Variants in TTYH2 observed in about 807,000 individuals in gnomAD.
TTYH2 encodes tweety family member 2.
TTYH2 carries 49 observed loss-of-function variants against 68.3 expected under a neutral mutation model. The ratio of observed to expected loss-of-function variants is 0.72; its 90% CI spans 0.57 to 0.91. The LOEUF (loss-of-function observed/expected upper bound fraction) is 0.91. Ranked by LOEUF, TTYH2 falls within the 40% of genes least tolerant of loss-of-function variation. The pLI, the probability that TTYH2 is intolerant of heterozygous loss-of-function variation, is 0.00. For synonymous variants in TTYH2, 272 were observed against 300.8 expected (o/e 0.90, Z 0.99); for missense variants, 631 against 700.4 (o/e 0.90, Z 1.12).
intron 3 of TTYH2, among the ~76,000 whole-genome samples, chr17:74,236,831 G>C (rs189803661): frequency 4.6e-5 from 7 of 152,072 alleles, no homozygotes; most frequent in African/African-American, 1.2e-4. Flanking sequence ...AGGGGCACAG[G>C]CTCGAGATCT....
chr17:74,213,785 G>T lies in TTYH2; in HGVS notation c.129+69G>T. On this transcript the variant is annotated intron_variant, in intron 1 of 13. Coordinates refer to ENST00000269346, the MANE Select transcript of TTYH2 (RefSeq NM_032646.6). The surrounding 1 kb of genome is among the most constrained non-coding windows in gnomAD (Gnocchi z 6.1). Reference sequence around the variant, plus strand: ...TCCCCGCACTACCCCCTCTCCCCTCGAGAGCCTGCACTTTCCCACGTGCCT... The same window carrying T: ...TCCCCGCACTACCCCCTCTCCCCTCTAGAGCCTGCACTTTCCCACGTGCCT... The T allele has an allele frequency of 1.3e-6, 2 of 1,558,932 alleles. No homozygotes were observed. The highest frequency in any genetic ancestry group is 1.7e-6 in the Non-Finnish European group (2 of 1,148,682).
rs574107473 is a variant in TTYH2, at chr17:74,219,710, C to A, written c.130-2775C>A. Among the ~76,000 whole-genome samples, 12 of 152,288 alleles carry A rather than the reference C, an allele frequency of 7.9e-5. No individual in the cohort carries two copies. The East Asian group carries it at 2.1e-3, about 27-fold the overall frequency. Reference sequence around the variant, plus strand: ...CTGGCTTTCTCTCTCAACCTGACTTCTGGGAAATTCATCCCAGAAATACCG... The same window carrying A: ...CTGGCTTTCTCTCTCAACCTGACTTATGGGAAATTCATCCCAGAAATACCG... On this transcript the variant is annotated intron_variant, in intron 1 of 13. Transcript: ENST00000269346.
rs768301171 is a variant in TTYH2 at position 74,249,129 on chromosome 17, C to G, written c.874+49C>G. On this transcript the variant is annotated intron_variant, in intron 7 of 13. Coordinates refer to ENST00000269346, the MANE Select transcript of TTYH2 (RefSeq NM_032646.6). ...TGCTGTGGATGCATAGGTGGCCGGA[C>G]TCTGTGCCCCTACTTACCTCTTTCA... 6 of 1,609,506 alleles carry G rather than the reference C, an allele frequency of 3.7e-6. No homozygotes were observed. The African/African-American group carries it at 8.2e-5, about 22-fold the overall frequency.
intron 13 of TTYH2, among the ~76,000 whole-genome samples, chr17:74,259,722 T>A (rs1365088124): frequency 1.3e-5 from 2 of 152,102 alleles, no homozygotes; most frequent in African/African-American, 4.8e-5. Flanking sequence ...GTAGGGAAAC[T>A]GAGGCTAGAA....
In TTYH2 at chr17:74,253,110, A is replaced by G; in HGVS notation, c.1289A>G (p.Asp430Gly). Residue 430 changes from aspartate to glycine, a missense_variant, in exon 12 of 14, where the codon GAT becomes GGT. Coordinates refer to ENST00000269346, the MANE Select transcript of TTYH2 (RefSeq NM_032646.6). Reference protein sequence around the residue: ...RNRDYDDIDDDDPFNPQAWRM... With the variant: ...RNRDYDDIDDGDPFNPQAWRM... ...AGAGACTACGATGACATTGATGATGATGACCCCTTTAACCCCCAAGCCTGG... is the reference window on the plus strand; with the variant it reads ...AGAGACTACGATGACATTGATGATGGTGACCCCTTTAACCCCCAAGCCTGG... 6.2e-7 allele frequency: 1 copy of G among 1,613,744 alleles called. No homozygotes were observed. The highest frequency in any genetic ancestry group is 8.5e-7 in the Non-Finnish European group (1 of 1,179,868).
intron 4 of TTYH2, among the ~76,000 whole-genome samples, chr17:74,238,880 A>G (rs1392322344): frequency 6.6e-6 from 1 of 151,788 alleles, no homozygotes; most frequent in Non-Finnish European, 1.5e-5. Flanking sequence ...AAAAAAAAAA[A>G]AAATTTTTTT....
intron 1 of TTYH2, among the ~76,000 whole-genome samples, chr17:74,221,706 A>G (rs1209853404): frequency 6.6e-6 from 1 of 152,116 alleles, no homozygotes. Flanking sequence ...CAGGGCCCCG[A>G]GGTGCTAGGC....
intron 2 of TTYH2, among the ~76,000 whole-genome samples, 180 bp from the exon 3 acceptor site, chr17:74,230,708 T>G (rs553891145): frequency 1.5e-4 from 23 of 151,870 alleles, no homozygotes; most frequent in Non-Finnish European, 3.1e-4. Flanking sequence ...TGCCATGATC[T>G]TGGCTCACTG....
At chr17:74,243,250 C>CTGGG (rs1337579983) in intron 4 of TTYH2, 124 bp from the exon 5 acceptor site, 2 of 790,180 alleles carry the variant, frequency 2.5e-6, no homozygotes, top group African/African-American at 3.4e-5. Context: ...CTTGCTGGCT[C>CTGGG]TGGGCAGCAT....
At chr17:74,224,136 G>A (rs755952016) in intron 2 of TTYH2, among the ~76,000 whole-genome samples, 5 of 152,208 alleles carry the variant, frequency 3.3e-5, no homozygotes, top group African/African-American at 7.2e-5. Flanking sequence ...ATGGCCGGGC[G>A]CGGTGACTCA....
chr17:74,244,367 C>T (rs565860345), intron 6 of TTYH2, among the ~76,000 whole-genome samples: 5 of 152,168 alleles, frequency 3.3e-5, no homozygotes, highest in South Asian at 2.1e-4. Flanking sequence ...GTGACCAGGG[C>T]GCTTCTCTCT....
At chr17:74,249,136 C>T in intron 7 of TTYH2, 56 bp downstream of exon 7, 1 of 1,609,076 alleles carries the variant, frequency 6.2e-7, no homozygotes, top group Admixed American at 1.7e-5. Context: ...GGACTCTGTG[C>T]CCCTACTTAC....
chr17:74,255,778 G>T (rs754353834), intron 13 of TTYH2, among the ~76,000 whole-genome samples: 4 of 152,200 alleles, frequency 2.6e-5, no homozygotes, highest in Admixed American at 1.3e-4. Context: ...GGAATGAAAG[G>T]CCAGAAGTCT....
chr17:74,218,044 G>A (rs2050238127), intron 1 of TTYH2, among the ~76,000 whole-genome samples: 1 of 152,044 alleles, frequency 6.6e-6, no homozygotes, highest in East Asian at 1.9e-4. Context: ...CAGAACTCTT[G>A]GCTCCCTCCT....
At position 74,215,495 on chromosome 17, in the gene TTYH2, C is replaced by G; in HGVS notation, c.129+1779C>G. Reference sequence around the variant, plus strand: ...AGCCTCTGCCCCTCCTCCCAGGATTCTGGCCCCGGCTCACTTTGTGCTGGG... The same window carrying G: ...AGCCTCTGCCCCTCCTCCCAGGATTGTGGCCCCGGCTCACTTTGTGCTGGG... On this transcript the variant is annotated intron_variant, in intron 1 of 13. Coordinates refer to ENST00000269346, the MANE Select transcript of TTYH2 (RefSeq NM_032646.6). The surrounding 1 kb of genome is among the most constrained non-coding windows in gnomAD (Gnocchi z 4.3). The G allele has an allele frequency of 2.5e-6, 2 of 788,528 alleles. No individual in the cohort carries two copies. The highest frequency in any genetic ancestry group is 4.0e-6 in the Non-Finnish European group (2 of 504,150). The allele number at this position is 788,528 out of a possible 1,614,324, so 48.8% of individuals were successfully genotyped here.
chr17:74,255,270 G>A (rs533186710), intron 13 of TTYH2, among the ~76,000 whole-genome samples: 14 of 152,230 alleles, frequency 9.2e-5, no homozygotes, highest in Middle Eastern at 3.4e-3. Context: ...TCTATAGAAT[G>A]AGTATGGGAA....
rs1021840217 is a variant in TTYH2 at position 74,241,772 on chromosome 17, G to A, written c.636-1602G>A. Among the ~76,000 whole-genome samples, 11 of 152,172 alleles carry A rather than the reference G, an allele frequency of 7.2e-5. 1 individual carries two copies. The highest frequency in any genetic ancestry group is 5.8e-4 in the East Asian group (3 of 5,190). ...TCCAAATACTTCCCTCTTTGGGGAC[G>A]GGGAAGCCCCTGTCTCTGTGCCCGC... On this transcript the variant is annotated intron_variant, in intron 4 of 13. Coordinates refer to ENST00000269346, the MANE Select transcript of TTYH2 (RefSeq NM_032646.6). This position sits in a 1 kb window ranked among gnomAD's most constrained non-coding sequence, Gnocchi z 4.1.
intron 1 of TTYH2, among the ~76,000 whole-genome samples, chr17:74,216,570 A>C (rs1355971417): frequency 6.6e-6 from 1 of 152,196 alleles, no homozygotes. Flanking sequence ...GAAAGCCCCC[A>C]GTCCTCCTGA....
chr17:74,250,258 G>T lies in TTYH2; in HGVS notation c.1024-7G>T. 1 of 1,610,880 alleles carries T rather than the reference G, an allele frequency of 6.2e-7. No individual in the cohort carries two copies. Among genetic ancestry groups the T allele is most frequent in the African/African-American group, 1.3e-5 (1 of 74,834 alleles). ...CCTCGGCCTCTCTCGCTCTCTTCCC[G>T]CTTCAGGAAGACCTGCTTGCAATCC... On this transcript the variant is annotated splice_region_variant and splice_polypyrimidine_tract_variant and intron_variant, in intron 9 of 13. Coordinates refer to ENST00000269346, the MANE Select transcript of TTYH2 (RefSeq NM_032646.6).
Sources: allele counts gnomAD v4.1 joint callset (sites outside exome capture counted in the v4.1 genomes callset), GRCh38; gene constraint gnomAD v4.1.1; non-coding constraint Gnocchi (gnomAD v3.1); transcripts MANE v1.5; gene names NCBI Gene and HGNC (gene_info 2026-07-23, HGNC 2026-07-21).